The following GRIN2D variants were observed in gnomAD, a reference collection of about 807,000 sequenced individuals.
GRIN2D encodes the protein glutamate receptor ionotropic, NMDA 2D.
Under a neutral mutation model 103.2 loss-of-function variants are expected in GRIN2D, and 37 were observed. The observed-to-expected ratio is 0.36, with a 90% CI of 0.28 to 0.47. The LOEUF (loss-of-function observed/expected upper bound fraction) is 0.47, where lower values mean the gene tolerates loss of function less well. Ranked by LOEUF, GRIN2D falls within the 20% of genes least tolerant of loss-of-function variation. The pLI, the probability that GRIN2D is intolerant of heterozygous loss-of-function variation, is 1.00. For synonymous variants in GRIN2D, 845 were observed against 885.6 expected (o/e 0.95, Z 0.81); for missense variants, 1,557 against 1,910.6 (o/e 0.81, Z 3.45).
At chr19:48,402,765 C>CGAGAGAGAGAGAGAGAGAGAGAGAGAGA (rs35263933) in intron 3 of GRIN2D, among the ~76,000 whole-genome samples, 1 of 108,964 alleles carries the variant, frequency 9.2e-6, no homozygotes, top group African/African-American at 3.7e-5. Context: ...TACTCCTTTA[C>CGAGAGAGAGAGAGAGAGAGAGAGAGAGA]GAGAGAGAGA....
rs1051856931 is a variant in GRIN2D, at chr19:48,443,283, G to A, written c.3357G>A (p.Glu1119=). The A allele has an allele frequency of 3.2e-6, 5 of 1,538,624 alleles. No individual in the cohort carries two copies. Among genetic ancestry groups the A allele is most frequent in the Non-Finnish European group, 4.3e-6 (5 of 1,152,144 alleles). Residue 1119 remains glutamate, a synonymous_variant, in exon 14 of 14, where the codon GAG becomes GAA. Transcript: ENST00000263269. The surrounding 1 kb of genome is among the most constrained non-coding windows in gnomAD (Gnocchi z 8.9). ...EPSPSDSEDS[E]SLGGASLGGL... The stretch of plus-strand genomic sequence containing the variant: ...CGCCGTCGGACTCGGAGGACTCGGA[G>A]AGCCTGGGCGGCGCGTCGCTGGGCG...
At chr19:48,415,056 G>A in intron 7 of GRIN2D, 24 bp downstream of exon 7, 1 of 1,554,608 alleles carries the variant, frequency 6.4e-7, no homozygotes, top group East Asian at 2.3e-5. Flanking sequence ...CGGGAGGCGG[G>A]GAATCTTCGG....
Position 48,405,096 on chromosome 19 carries a change from G to C in GRIN2D, c.828G>C (p.Gly276=). The C allele has an allele frequency of 6.3e-7, 1 of 1,595,692 alleles. No homozygotes were observed. The highest frequency in any genetic ancestry group is 8.5e-7 in the Non-Finnish European group (1 of 1,170,678). ...CTGGCTACGTCTGGTTCATGGTGGG[G>C]CCCCAGCTGGCTGGAGGCGGGGGCT... is the stretch of plus-strand genomic sequence containing the variant. The part of the protein sequence containing the change: ...TGSGYVWFMV[G]PQLAGGGGSG... The change falls in exon 4 of 14, where the codon GGG becomes GGC. Residue 276 remains glycine, a synonymous_variant. Coordinates refer to ENST00000263269, the MANE Select transcript of GRIN2D (RefSeq NM_000836.4). This position sits in a 1 kb window ranked among gnomAD's most constrained non-coding sequence, Gnocchi z 5.1.
Position 48,438,676 on chromosome 19 carries a change from C to A in GRIN2D, c.2253-3093C>A, listed in dbSNP as rs547407509. On this transcript the variant is annotated intron_variant, in intron 11 of 13. Coordinates refer to ENST00000263269, the MANE Select transcript of GRIN2D (RefSeq NM_000836.4). ...ATCGAACTCCTGACCTCATGTGATC[C>A]GCCCGCCTCAGCCTCCCAAAGCGCT... Among the ~76,000 whole-genome samples, 13 of 152,198 alleles carry A rather than the reference C, an allele frequency of 8.5e-5. 1 individual carries two copies. The highest frequency in any genetic ancestry group is 8.5e-4 in the Admixed American group (13 of 15,276).
At position 48,401,256 on chromosome 19, in the gene GRIN2D, AGGG is replaced by A. The variant is rs879634908; in HGVS notation, c.465+2406_465+2408del. ...TAATTCCTAGGGAATACAGTTCTAG[AGGG>A]GGGGGGAAAAAAAGAGAGGGAGACA... On this transcript the variant is annotated intron_variant, in intron 3 of 13. Coordinates refer to ENST00000263269, the MANE Select transcript of GRIN2D (RefSeq NM_000836.4). Among the ~76,000 whole-genome samples the A allele has an allele frequency of 3.0e-3, 457 of 151,086 alleles. 2 individuals are homozygous for A. The highest frequency in any genetic ancestry group is 0.01 in the African/African-American group (423 of 41,040).
At chr19:48,416,787 C>A (rs1033443367) in intron 8 of GRIN2D, among the ~76,000 whole-genome samples, 19 of 150,234 alleles carry the variant, frequency 1.3e-4, no homozygotes, top group Non-Finnish European at 2.1e-4. Flanking sequence ...GTCGCCCAGG[C>A]TGGAATGCAG....
At chr19:48,419,426 C>T (rs1451956465) in intron 9 of GRIN2D, 67 bp downstream of exon 9, 5 of 1,543,890 alleles carry the variant, frequency 3.2e-6, no homozygotes, top group Non-Finnish European at 4.4e-6. Context: ...AACTACATTT[C>T]CCAGCAGCCC....
intron 4 of GRIN2D, among the ~76,000 whole-genome samples, chr19:48,411,338 TAATAATAATA>T (rs1465680095): frequency 7.2e-6 from 1 of 138,772 alleles, no homozygotes; most frequent in Non-Finnish European, 1.5e-5. Flanking sequence ...ATAATAATAA[TAATAATAATA>T]ATAATAATAA....
chr19:48,414,896 G>C lies in GRIN2D; in HGVS notation c.1445G>C (p.Arg482Pro). ...PPPDAPRPEK[R>P]CCKGFCIDIL... ...CCGGATGCCCCCCGCCCGGAAAAGC[G>C]CTGCTGCAAGGGTTTCTGCATCGAC... The change falls in exon 7 of 14, where the codon CGC becomes CCC. Residue 482 changes from arginine (R) to proline (P), a missense_variant. By Grantham distance (103) the Arg-to-Pro change is moderately radical. This residue lies in a region of GRIN2D where 197 missense variants were observed against 334.1 expected (regional missense o/e 0.59). Transcript: ENST00000263269. The surrounding 1 kb of genome is among the most constrained non-coding windows in gnomAD (Gnocchi z 4.6). The C allele has an allele frequency of 1.9e-6, 3 of 1,614,120 alleles. No homozygotes were observed. The highest frequency in any genetic ancestry group is 2.5e-6 in the Non-Finnish European group (3 of 1,180,034).
At chr19:48,440,182 G>A (rs2147473256) in intron 11 of GRIN2D, among the ~76,000 whole-genome samples, 1 of 152,252 alleles carries the variant, frequency 6.6e-6, no homozygotes, top group Admixed American at 6.5e-5. Flanking sequence ...CTGCACTCCA[G>A]CCTGGGGGAC....
rs143367485 is a variant in GRIN2D at position 48,429,042 on chromosome 19, A to G, written c.2252+7097A>G. On this transcript the variant is annotated intron_variant, in intron 11 of 13. Transcript: ENST00000263269. ...TTTTGTCCCCCTCCCTAGAAGCTTC[A>G]TGATTCACAAAGGACACCCCTGTGT... 3.9e-5 allele frequency among the ~76,000 whole-genome samples: 6 copies of G among 152,256 alleles called. No individual in the cohort carries two copies. In the East Asian group the frequency reaches 1.2e-3, roughly 29 times the overall value.
intron 2 of GRIN2D, among the ~76,000 whole-genome samples, chr19:48,397,282 TTC>T (rs962509096): frequency 1.3e-5 from 2 of 151,990 alleles, no homozygotes; most frequent in South Asian, 2.1e-4. Flanking sequence ...CCCCACTAAT[TTC>T]TCTCTTTCTC....
At chr19:48,400,332 G>T (rs1178270501) in intron 3 of GRIN2D, among the ~76,000 whole-genome samples, 1 of 152,182 alleles carries the variant, frequency 6.6e-6, no homozygotes, top group African/African-American at 2.4e-5. Context: ...CTGCTGTGCG[G>T]GCCTGTGGCT....
At chr19:48,401,639 C>T (rs1005142387) in intron 3 of GRIN2D, among the ~76,000 whole-genome samples, 9 of 152,284 alleles carry the variant, frequency 5.9e-5, no homozygotes, top group South Asian at 2.1e-4. Context: ...AGAGAAGCAA[C>T]GGGGGCCAGT....
In GRIN2D at chr19:48,442,640, C is replaced by T. The variant is rs745538859; in HGVS notation, c.2714C>T (p.Pro905Leu). The T allele has an allele frequency of 4.3e-5, 64 of 1,490,876 alleles. 1 individual carries two copies. In the South Asian group the frequency reaches 7.5e-4, roughly 18 times the overall value. The allele number at this position is 1,490,876 out of a possible 1,614,324, so 92.4% of individuals were successfully genotyped here. A position where few individuals can be genotyped will look rare whatever the true frequency, so the allele number is the denominator to read the frequency against. ...TGCAGCGCTGAGGCCGCCCCACCGC[C>T]CGCCAAGCCCCCGCCGCCGCCACAG... ...SCCSAEAAPP[P>L]AKPPPPPQPL... Residue 905 changes from proline (P) to leucine (L), a missense_variant, in exon 14 of 14, where the codon CCC becomes CTC. This residue lies in a region of GRIN2D where 632 missense variants were observed against 572.8 expected (regional missense o/e 1.10). Transcript: ENST00000263269. The surrounding 1 kb of genome is among the most constrained non-coding windows in gnomAD (Gnocchi z 7.2).
intron 3 of GRIN2D, among the ~76,000 whole-genome samples, chr19:48,400,036 A>C (rs1185047343): frequency 1.3e-5 from 2 of 152,174 alleles, no homozygotes; most frequent in Non-Finnish European, 2.9e-5. Context: ...ATGAAGGCTT[A>C]TGGTGGAGGC....
At chr19:48,440,308 T>C (rs899401783) in intron 11 of GRIN2D, among the ~76,000 whole-genome samples, 7 of 152,116 alleles carry the variant, frequency 4.6e-5, no homozygotes, top group Non-Finnish European at 2.9e-5. Context: ...CTGAAAAGAA[T>C]GGTTATCTCC....
chr19:48,419,040 TCTTTTTTCTTC>T (rs1327713445), intron 8 of GRIN2D, among the ~76,000 whole-genome samples, 183 bp from the exon 9 acceptor site: 70 of 151,494 alleles, frequency 4.6e-4, no homozygotes. Context: ...TTTTTTTCTT[TCTTTTTTCTTC>T]CTTTTTTTTT....
intron 11 of GRIN2D, among the ~76,000 whole-genome samples, chr19:48,439,783 A>G (rs1971270870): frequency 6.6e-6 from 1 of 152,204 alleles, no homozygotes; most frequent in African/African-American, 2.4e-5. Flanking sequence ...ATCTCCACTA[A>G]AAGTACAGAA....
Sources: gnomAD v4.1 joint callset for allele counts (sites outside exome capture counted in the v4.1 genomes callset) on GRCh38, gnomAD v4.1.1 for gene constraint, gnomAD v4.1.1 regional missense constraint, Gnocchi (gnomAD v3.1) non-coding constraint, MANE v1.5 for transcripts, NCBI Gene and HGNC (gene_info 2026-07-23, HGNC 2026-07-21) for gene names.